Variants in PGS1 observed in about 807,000 individuals in gnomAD.
The protein encoded by PGS1 is phosphatidylglycerophosphate synthase 1, also known as CDP-diacylglycerol--glycerol-3-phosphate 3-phosphatidyltransferase, mitochondrial.
A neutral mutation model predicts 58.3 loss-of-function variants in PGS1; 44 were observed. The observed-to-expected ratio is 0.75, with a 90% CI of 0.59 to 0.97. The LOEUF is 0.97. PGS1 is among the 50% of genes least tolerant of loss of function. The pLI is 0.00. For missense variants in PGS1, 684 were observed against 731.1 expected, an observed-to-expected ratio of 0.94 and a Z score of 0.74; for synonymous variants, 330 against 311.0, an observed-to-expected ratio of 1.06 and a Z score of -0.64.
At chr17:78,378,982 C>T (rs1018405171) in intron 1 of PGS1, among the ~76,000 whole-genome samples, 174 bp downstream of exon 1, 2 of 152,176 alleles carry the variant, frequency 1.3e-5, no homozygotes, top group East Asian at 1.9e-4. Context: ...CTTCACTGGC[C>T]TTCTTGAGGG....
rs979602402 is a variant in PGS1 at position 78,392,582 on chromosome 17, A to G, written c.250A>G (p.Arg84Gly). Residue 84 changes from arginine to glycine, a missense_variant, in exon 2 of 10, where the codon AGA (arginine) becomes GGA (glycine). Physicochemically the swap from Arg to Gly is moderately radical, Grantham distance 125. Transcript: ENST00000262764. ...AGGCGTGCACCGGTTCCAGTGGATC[A>G]GAAACCTGGTTCCAGAATTTGGAGT... is the stretch of plus-strand genomic sequence containing the variant. Reference protein sequence around the residue: ...PEGVHRFQWIRNLVPEFGVSS... With the variant: ...PEGVHRFQWIGNLVPEFGVSS... The G allele has an allele frequency of 1.9e-6, 3 of 1,614,064 alleles. No individual in the cohort carries two copies. The highest frequency in any genetic ancestry group is 2.7e-5 in the African/African-American group (2 of 74,936).
intron 3 of PGS1, among the ~76,000 whole-genome samples, chr17:78,396,767 AG>A (rs2146177143): frequency 6.6e-6 from 1 of 152,402 alleles, no homozygotes; most frequent in East Asian, 1.9e-4. Flanking sequence ...ATTGGGGAAG[AG>A]AAAAAATAAT....
chr17:78,403,382 T>C (rs1225144669), intron 6 of PGS1, among the ~76,000 whole-genome samples, 186 bp from the exon 7 acceptor site: 1 of 152,208 alleles, frequency 6.6e-6, no homozygotes, highest in African/African-American at 2.4e-5. Context: ...GCCCTTGTCT[T>C]GGGCAAACTA....
At chr17:78,379,619 A>T (rs2081892074) in intron 1 of PGS1, among the ~76,000 whole-genome samples, 1 of 152,022 alleles carries the variant, frequency 6.6e-6, no homozygotes. Context: ...TGAGGTCAGG[A>T]GTTTAAGACC....
At chr17:78,402,181 A>G (rs1049530166) in intron 6 of PGS1, among the ~76,000 whole-genome samples, 4 of 152,142 alleles carry the variant, frequency 2.6e-5, no homozygotes, top group Non-Finnish European at 5.9e-5. Flanking sequence ...TTTGTTCTGT[A>G]GCCCAGCCCT....
chr17:78,394,433 T>C (rs909546749), intron 2 of PGS1, among the ~76,000 whole-genome samples: 1 of 152,160 alleles, frequency 6.6e-6, no homozygotes, highest in Non-Finnish European at 1.5e-5. Context: ...TGTTCTCCCC[T>C]CTCACCTGCC....
rs763863445 is a variant in PGS1 at position 78,400,665 on chromosome 17, C to T, written c.702-12C>T. Reference sequence around the variant, plus strand: ...CCTGAGTCCTCCTCACCTGCATCTTCCCTCCCTGTAGTGCAAACCTGAGTG... The same window carrying T: ...CCTGAGTCCTCCTCACCTGCATCTTTCCTCCCTGTAGTGCAAACCTGAGTG... On this transcript the variant is annotated splice_polypyrimidine_tract_variant and intron_variant, in intron 5 of 9. Transcript: ENST00000262764. The surrounding 1 kb of genome is among the most constrained non-coding windows in gnomAD (Gnocchi z 4.4). The T allele has an allele frequency of 7.0e-5, 113 of 1,613,032 alleles. No individual in the cohort carries two copies. The Admixed American group carries it at 1.6e-3, about 23-fold the overall frequency.
At chr17:78,384,701 A>C (rs867948794) in intron 1 of PGS1, among the ~76,000 whole-genome samples, 30 of 152,162 alleles carry the variant, frequency 2.0e-4, no homozygotes, top group South Asian at 2.1e-4. Context: ...CTGTTCAGTG[A>C]GGACAGCCCT....
In PGS1 at chr17:78,424,206, G is replaced by A; in HGVS notation, c.*156G>A. ...GGTGTGCTGCCAGTAAGTGAGGGAGGGGCTGGCAGGAAGGGTGGGGTCCTC... is the reference window on the plus strand; with the variant it reads ...GGTGTGCTGCCAGTAAGTGAGGGAGAGGCTGGCAGGAAGGGTGGGGTCCTC... On this transcript the variant is annotated 3_prime_UTR_variant, in exon 10 of 10. Transcript: ENST00000262764. The A allele has an allele frequency of 1.9e-6, 3 of 1,558,244 alleles. No homozygotes were observed. The highest frequency in any genetic ancestry group is 2.6e-6 in the Non-Finnish European group (3 of 1,154,630).
In PGS1 at chr17:78,424,313, T is replaced by C; in HGVS notation, c.*263T>C. On this transcript the variant is annotated 3_prime_UTR_variant, in exon 10 of 10. Transcript: ENST00000262764. ...CCACGGCTGGAAGCAGAGGCCTTCG[T>C]AGGTGATGGCCTGCATGTTGTAACT... The C allele has an allele frequency of 1.2e-6, 1 of 835,878 alleles. No individual in the cohort carries two copies. Among genetic ancestry groups the C allele is most frequent in the Non-Finnish European group, 1.8e-6 (1 of 555,082 alleles). 51.8% of individuals were successfully genotyped at this position (835,878 alleles called of 1,614,324 possible). A position where few individuals can be genotyped will look rare whatever the true frequency, so the allele number is the denominator to read the frequency against.
intron 9 of PGS1, 73 bp downstream of exon 9, chr17:78,419,748 C>T (rs932039638): frequency 6.3e-7 from 1 of 1,593,316 alleles, no homozygotes; most frequent in Non-Finnish European, 8.5e-7. Context: ...GTTGTTCTGA[C>T]TCAACCAGAG....
intron 1 of PGS1, among the ~76,000 whole-genome samples, chr17:78,382,118 G>T (rs370893033): frequency 2.0e-5 from 3 of 152,154 alleles, no homozygotes; most frequent in South Asian, 4.1e-4. Context: ...GTGAAGAAGA[G>T]GGGGAGTGGA....
At chr17:78,399,583 G>A (rs777412260) in intron 5 of PGS1, 46 bp downstream of exon 5, 2 of 1,587,918 alleles carry the variant, frequency 1.3e-6, no homozygotes, top group Non-Finnish European at 8.6e-7. Flanking sequence ...TGCTCTGCAG[G>A]CTGGAGGGCA....
intron 2 of PGS1, among the ~76,000 whole-genome samples, chr17:78,395,334 C>G (rs916651070): frequency 1.3e-5 from 2 of 152,184 alleles, no homozygotes; most frequent in African/African-American, 4.8e-5. Context: ...GAAATAGCAA[C>G]CTTGGGAAGT....
At chr17:78,384,402 C>T (rs1239168174) in intron 1 of PGS1, among the ~76,000 whole-genome samples, 1 of 152,176 alleles carries the variant, frequency 6.6e-6, no homozygotes, top group Non-Finnish European at 1.5e-5. Flanking sequence ...ATGACTGTTG[C>T]TTTTTCTCAT....
intron 7 of PGS1, among the ~76,000 whole-genome samples, chr17:78,411,679 TGTCAGGCCCAAAG>T (rs1032419329): frequency 1.3e-5 from 2 of 152,160 alleles, no homozygotes; most frequent in Admixed American, 6.6e-5. Context: ...ATAGTAAAGA[TGTCAGGCCCAAAG>T]GTCAGGCCCT....
chr17:78,419,528 T>C lies in PGS1; in HGVS notation c.1552-18T>C, dbSNP rs370750233. ...TGGAGGGGACTCCTCACTATTCCTG[T>C]CTGTTCCTCTTCCTCAGGAGCAAGA... On this transcript the variant is annotated intron_variant, in intron 8 of 9. Coordinates refer to ENST00000262764, the MANE Select transcript of PGS1 (RefSeq NM_024419.5). 1.7e-5 allele frequency: 28 copies of C among 1,611,428 alleles called. No homozygotes were observed. The African/African-American group carries it at 3.6e-4, about 21-fold the overall frequency.
At chr17:78,423,076 C>T (rs1029148656) in intron 9 of PGS1, among the ~76,000 whole-genome samples, 12 of 147,838 alleles carry the variant, frequency 8.1e-5, no homozygotes, top group Admixed American at 4.1e-4. Flanking sequence ...CCAGCCTGGG[C>T]GACAAGAGTG....
intron 7 of PGS1, among the ~76,000 whole-genome samples, chr17:78,410,326 G>A (rs185731897): frequency 0.023 from 3,561 of 151,922 alleles, 131 homozygotes; most frequent in African/African-American, 0.081. Context: ...CTACTCAGGA[G>A]GCTGAGGTGG....
Sources: gnomAD v4.1 joint callset for allele counts (sites outside exome capture counted in the v4.1 genomes callset) on GRCh38, gnomAD v4.1.1 for gene constraint, Gnocchi (gnomAD v3.1) non-coding constraint, MANE v1.5 for transcripts, NCBI Gene and HGNC (gene_info 2026-07-23, HGNC 2026-07-21) for gene names.